The following CCSER1 variants were observed in gnomAD, a reference collection of about 807,000 sequenced individuals.
CCSER1 encodes coiled-coil serine rich protein 1.
Under a neutral mutation model 82.0 loss-of-function variants are expected in CCSER1, and 41 were observed. That is an observed-to-expected ratio of 0.50 (90% CI 0.39 to 0.65). CCSER1 has a LOEUF of 0.65. Ranked by LOEUF, CCSER1 falls within the 30% of genes least tolerant of loss-of-function variation. The pLI is 0.00. For synonymous variants in CCSER1, 414 were observed against 383.9 expected (o/e 1.08, Z -0.92); for missense variants, 1,119 against 1,064.2 (o/e 1.05, Z -0.72).
intron 5 of CCSER1, among the ~76,000 whole-genome samples, chr4:90,627,102 A>T (rs1189339863): frequency 6.6e-6 from 1 of 152,146 alleles, no homozygotes; most frequent in Non-Finnish European, 1.5e-5. Flanking sequence ...TCCTTATTTC[A>T]TTATAGATAT....
At chr4:90,552,933 G>A (rs980118621) in intron 5 of CCSER1, among the ~76,000 whole-genome samples, 1 of 151,774 alleles carries the variant, frequency 6.6e-6, no homozygotes, top group Non-Finnish European at 1.5e-5. Context: ...CTGAACCAGA[G>A]TGTTAGCTCT....
intron 8 of CCSER1, among the ~76,000 whole-genome samples, chr4:90,899,282 T>G (rs1005481619): frequency 3.9e-5 from 6 of 152,152 alleles, no homozygotes; most frequent in African/African-American, 1.4e-4. Flanking sequence ...GAAATACAAT[T>G]GATTTTGGGT....
chr4:91,450,274 G>A (rs1755800947), intron 10 of CCSER1, among the ~76,000 whole-genome samples: 1 of 151,854 alleles, frequency 6.6e-6, no homozygotes, highest in South Asian at 2.1e-4. Context: ...GAAACACAGA[G>A]CAGAGAATTA....
intron 9 of CCSER1, among the ~76,000 whole-genome samples, chr4:90,957,547 T>TTA (rs1561417910): frequency 5.5e-5 from 5 of 91,728 alleles, no homozygotes; most frequent in Non-Finnish European, 8.8e-5. Flanking sequence ...TATTATATAA[T>TTA]TATATTATAT....
chr4:90,671,673 C>T (rs1732825651), intron 6 of CCSER1, among the ~76,000 whole-genome samples: 1 of 151,972 alleles, frequency 6.6e-6, no homozygotes, highest in South Asian at 2.1e-4. Context: ...TGACTTCCTC[C>T]CATGAATTAA....
At chr4:91,001,239 T>G (rs568670966) in intron 9 of CCSER1, among the ~76,000 whole-genome samples, 2 of 152,312 alleles carry the variant, frequency 1.3e-5, no homozygotes, top group South Asian at 4.1e-4. Flanking sequence ...GAACCAACCT[T>G]GCATCCCAGG....
chr4:90,657,233 A>G (rs938031398), intron 6 of CCSER1, among the ~76,000 whole-genome samples: 5 of 152,136 alleles, frequency 3.3e-5, no homozygotes, highest in Admixed American at 6.6e-5. Context: ...AAATAAAAAA[A>G]TCTGTTTGCA....
At chr4:90,906,367 C>G (rs899395071) in intron 8 of CCSER1, among the ~76,000 whole-genome samples, 1 of 152,068 alleles carries the variant, frequency 6.6e-6, no homozygotes. Context: ...CAATTGTTTT[C>G]TAGCTGATCG....
At chr4:90,426,697 T>C (rs943741434) in intron 4 of CCSER1, among the ~76,000 whole-genome samples, 1 of 152,162 alleles carries the variant, frequency 6.6e-6, no homozygotes, top group Non-Finnish European at 1.5e-5. Flanking sequence ...TGATATGAAA[T>C]AAAATACTGA....
At chr4:90,205,261 G>A (rs1045286442) in intron 1 of CCSER1, among the ~76,000 whole-genome samples, 2 of 152,156 alleles carry the variant, frequency 1.3e-5, no homozygotes, top group African/African-American at 4.8e-5. Flanking sequence ...GGGCATCCTT[G>A]TCTTGTGCCA....
chr4:90,312,374 A>G (rs1214439974), intron 2 of CCSER1, among the ~76,000 whole-genome samples: 1 of 152,184 alleles, frequency 6.6e-6, no homozygotes, highest in Non-Finnish European at 1.5e-5. Flanking sequence ...TTGTTATGCC[A>G]TTTGAAAAAC....
chr4:90,622,318 G>A (rs1005357015), intron 5 of CCSER1, among the ~76,000 whole-genome samples: 4 of 152,112 alleles, frequency 2.6e-5, no homozygotes, highest in Admixed American at 1.3e-4. Context: ...TGTGCACAAC[G>A]TGCAGGTTTG....
chr4:91,458,564 T>C (rs577836018), intron 10 of CCSER1, among the ~76,000 whole-genome samples: 68 of 152,268 alleles, frequency 4.5e-4, no homozygotes, highest in Non-Finnish European at 8.1e-4. Context: ...AAGAATGTCA[T>C]TGGTATTTTG....
intron 5 of CCSER1, among the ~76,000 whole-genome samples, chr4:90,471,265 C>A (rs570536384): frequency 4.7e-4 from 71 of 151,952 alleles, no homozygotes; most frequent in African/African-American, 1.5e-3. Context: ...TCTTTCCCCC[C>A]AACCCCCACC....
chr4:90,281,253 A>G (rs1728797530), intron 1 of CCSER1, among the ~76,000 whole-genome samples: 2 of 152,180 alleles, frequency 1.3e-5, no homozygotes, highest in East Asian at 3.9e-4. Flanking sequence ...CTGAGTACAC[A>G]TGCACACAAA....
At chr4:90,815,516 G>T (rs879661021) in intron 7 of CCSER1, among the ~76,000 whole-genome samples, 1 of 133,660 alleles carries the variant, frequency 7.5e-6, no homozygotes, top group Non-Finnish European at 1.6e-5. Flanking sequence ...AAAAACATAT[G>T]TGTGTGTGGA....
intron 7 of CCSER1, among the ~76,000 whole-genome samples, chr4:90,795,306 G>GAAAC (rs1490027124): frequency 1.3e-5 from 2 of 148,614 alleles, no homozygotes; most frequent in African/African-American, 5.0e-5. Context: ...AAAAAAAAAG[G>GAAAC]AAACAAAGAA....
intron 9 of CCSER1, among the ~76,000 whole-genome samples, chr4:91,063,678 T>G (rs1351976986): frequency 1.3e-5 from 2 of 152,190 alleles, no homozygotes; most frequent in African/African-American, 2.4e-5. Flanking sequence ...TTAATAGAAC[T>G]ACACTCCCTG....
chr4:91,457,126 A>G (rs1163872946), intron 10 of CCSER1, among the ~76,000 whole-genome samples: 1 of 152,160 alleles, frequency 6.6e-6, no homozygotes, highest in African/African-American at 2.4e-5. Flanking sequence ...TTCCTAAAGA[A>G]TGGCTACACG....
Sources: allele counts gnomAD v4.1 joint callset (sites outside exome capture counted in the v4.1 genomes callset), GRCh38; gene constraint gnomAD v4.1.1; transcripts MANE v1.5; gene names NCBI Gene and HGNC (gene_info 2026-07-23, HGNC 2026-07-21).